Variants in ERBIN observed in about 807,000 individuals in gnomAD.
ERBIN encodes densin-180-like protein.
ERBIN carries 60 observed loss-of-function variants against 158.4 expected under a neutral mutation model. The ratio of observed to expected loss-of-function variants is 0.38; its 90% confidence interval spans 0.31 to 0.47. The LOEUF is 0.47. Ranked by LOEUF, ERBIN falls within the 20% of genes least tolerant of loss-of-function variation. The pLI is 0.99. For synonymous variants in ERBIN, 594 were observed against 557.2 expected (o/e 1.07, Z -0.93); for missense variants, 1,610 against 1,648.0 (o/e 0.98, Z 0.40).
intron 1 of ERBIN, among the ~76,000 whole-genome samples, chr5:65,984,408 C>A (rs1355549489): frequency 1.3e-5 from 2 of 152,208 alleles, no homozygotes; most frequent in Admixed American, 6.5e-5. Context: ...GCCATGGGTT[C>A]TTTTTCTCCT....
At chr5:65,978,236 A>G (rs1319949771) in intron 1 of ERBIN, among the ~76,000 whole-genome samples, 3 of 152,124 alleles carry the variant, frequency 2.0e-5, no homozygotes, top group Non-Finnish European at 4.4e-5. Flanking sequence ...ATGAGCCTAT[A>G]TTGAGCTGTT....
At chr5:65,936,135 TGGGAGCATGGA>T (rs896191181) in intron 1 of ERBIN, among the ~76,000 whole-genome samples, 7 of 148,468 alleles carry the variant, frequency 4.7e-5, no homozygotes, top group Admixed American at 4.1e-4. Flanking sequence ...AGACTCTTTG[TGGGAGCATGGA>T]GGGAGGTCTG....
chr5:66,047,153 C>A (rs981227592), intron 18 of ERBIN, among the ~76,000 whole-genome samples: 2 of 152,032 alleles, frequency 1.3e-5, no homozygotes, highest in African/African-American at 4.8e-5. Context: ...TGGCCCTAGG[C>A]AACCAAAAAT....
At position 65,965,379 on chromosome 5, in the gene ERBIN, G is replaced by GTTTTTTT. The variant is rs1561304820; in HGVS notation, c.-57-23254_-57-23253insTTTTTTT. 2.7e-4 allele frequency among the ~76,000 whole-genome samples: 28 copies of GTTTTTTT among 103,660 alleles called. 1 individual carries two copies. The highest frequency in any genetic ancestry group is 1.5e-3 in the Admixed American group (12 of 8,260). 68.0% of individuals were successfully genotyped at this position (103,660 alleles called of 152,430 possible). ...GCTGTTCTTACCAGATTTGTTTTTTGTTGTTTTTTTTTTTTTTTTTTTTTT... is the reference window on the plus strand; with the variant it reads ...GCTGTTCTTACCAGATTTGTTTTTTGTTTTTTTTTGTTTTTTTTTTTTTTTTTTTTTT... On this transcript the variant is annotated intron_variant, in intron 1 of 25. Transcript: ENST00000284037.
At chr5:65,981,951 A>G (rs1750708707) in intron 1 of ERBIN, among the ~76,000 whole-genome samples, 1 of 152,206 alleles carries the variant, frequency 6.6e-6, no homozygotes, top group Non-Finnish European at 1.5e-5. Context: ...AATAGATTCT[A>G]TGGCATGATT....
Position 66,053,781 on chromosome 5 carries a change from G to A in ERBIN, c.2463G>A (p.Lys821=). ...NKYPNLESVN[K]VNGHSEETSQ... ...ATCCTAATTTGGAATCCGTAAATAA[G>A]GTAAATGGACATTCTGAGGAAACTT... The change falls in exon 21 of 26, where the codon AAG becomes AAA. Residue 821 remains lysine, a synonymous_variant. Transcript: ENST00000284037. 6.2e-7 allele frequency: 1 copy of A among 1,613,842 alleles called. No homozygotes were observed.
chr5:65,942,930 CTT>C (rs56340024), intron 1 of ERBIN, among the ~76,000 whole-genome samples: 110,122 of 149,934 alleles, frequency 0.73, 42,151 homozygotes, highest in Non-Finnish European at 0.86. Flanking sequence ...AAAAAATAGA[CTT>C]TAAGTTTTTT....
Position 66,061,540 on chromosome 5 carries a change from T to C in ERBIN, c.3633+6589T>C, listed in dbSNP as rs575017718. Among the ~76,000 whole-genome samples, 4 of 152,350 alleles carry C rather than the reference T, an allele frequency of 2.6e-5. No homozygotes were observed. In the South Asian group the frequency reaches 8.3e-4, roughly 32 times the overall value. ...TTTTAATTGGAGCATTTAGCCCATTTACATTTAAGGTTAGTAGTGTTATGT... is the reference window on the plus strand; with the variant it reads ...TTTTAATTGGAGCATTTAGCCCATTCACATTTAAGGTTAGTAGTGTTATGT... On this transcript the variant is annotated intron_variant, in intron 21 of 25. Transcript: ENST00000284037.
At chr5:66,035,343 A>G (rs1225280688) in intron 14 of ERBIN, among the ~76,000 whole-genome samples, 2 of 152,130 alleles carry the variant, frequency 1.3e-5, no homozygotes, top group Non-Finnish European at 2.9e-5. Flanking sequence ...TGCCCCAAAT[A>G]TATTTCCCCC....
At chr5:66,056,920 T>C (rs1270267785) in intron 21 of ERBIN, among the ~76,000 whole-genome samples, 2 of 152,200 alleles carry the variant, frequency 1.3e-5, no homozygotes, top group African/African-American at 4.8e-5. Context: ...ACCATAACTC[T>C]ACTGCATTCC....
At chr5:65,983,190 G>A (rs893328473) in intron 1 of ERBIN, among the ~76,000 whole-genome samples, 2 of 152,118 alleles carry the variant, frequency 1.3e-5, no homozygotes, top group Admixed American at 6.5e-5. Flanking sequence ...TGTTCATATT[G>A]AAATAATACC....
At chr5:65,998,364 A>G (rs921837934) in intron 4 of ERBIN, among the ~76,000 whole-genome samples, 7 of 151,376 alleles carry the variant, frequency 4.6e-5, no homozygotes, top group Non-Finnish European at 4.4e-5. Context: ...TTAAGGATTT[A>G]TTATTTGCTT....
chr5:65,996,024 T>G (rs1339022779), intron 4 of ERBIN, among the ~76,000 whole-genome samples: 1 of 152,174 alleles, frequency 6.6e-6, no homozygotes, highest in African/African-American at 2.4e-5. Flanking sequence ...CCTTCTCAGA[T>G]GTATAGCTTG....
rs1332077872 is a variant in ERBIN, at chr5:66,025,983, G to GTGTTT, written c.1020+7_1020+8insGTTTT. ...TACAGCAGTTGCCCCCAGAGGTAAT[G>GTGTTT]TATTTTAGATTTGTTTAGATTTTTG... On this transcript the variant is annotated splice_region_variant and intron_variant, in intron 12 of 25. Transcript: ENST00000284037. 6.3e-7 allele frequency: 1 copy of GTGTTT among 1,575,298 alleles called. No individual in the cohort carries two copies. Among genetic ancestry groups the GTGTTT allele is most frequent in the East Asian group, 2.4e-5 (1 of 42,492 alleles).
chr5:65,994,962 T>A, intron 4 of ERBIN, 98 bp downstream of exon 4: 1 of 736,108 alleles, frequency 1.4e-6, no homozygotes, highest in Non-Finnish European at 2.3e-6. Flanking sequence ...AAAAATAAGT[T>A]AAATCTAATG....
At chr5:65,933,475 A>G (rs186586858) in intron 1 of ERBIN, among the ~76,000 whole-genome samples, 12 of 152,214 alleles carry the variant, frequency 7.9e-5, no homozygotes, top group Admixed American at 2.6e-4. Flanking sequence ...TCCTTTTTTC[A>G]TAATCACACT....
intron 1 of ERBIN, among the ~76,000 whole-genome samples, chr5:65,951,550 G>C (rs1050165778): frequency 6.6e-6 from 1 of 152,176 alleles, no homozygotes; most frequent in Non-Finnish European, 1.5e-5. Context: ...AGTAAATTCA[G>C]TAGGCTTAGT....
intron 14 of ERBIN, 139 bp downstream of exon 14, chr5:66,028,482 C>G: frequency 2.1e-6 from 1 of 478,892 alleles, no homozygotes; most frequent in Middle Eastern, 4.0e-4. Flanking sequence ...AGAAAAATCT[C>G]AAAATATTTA....
chr5:66,027,583 T>G (rs1044264652), intron 13 of ERBIN, among the ~76,000 whole-genome samples: 1 of 152,076 alleles, frequency 6.6e-6, no homozygotes, highest in African/African-American at 2.4e-5. Flanking sequence ...CCCTAAACAA[T>G]ACAGTATACC....
Sources: allele counts gnomAD v4.1 joint callset (sites outside exome capture counted in the v4.1 genomes callset), GRCh38; gene constraint gnomAD v4.1.1; transcripts MANE v1.5; gene names NCBI Gene and HGNC (gene_info 2026-07-23, HGNC 2026-07-21).